Variants in CLCN6 observed in about 807,000 individuals in gnomAD.
CLCN6 encodes Cl-/H+ antiporter 6.
Under a neutral mutation model 109.8 loss-of-function variants are expected in CLCN6, and 70 were observed. The observed-to-expected ratio is 0.64, with a 90% CI of 0.53 to 0.78. The LOEUF (loss-of-function observed/expected upper bound fraction) is 0.78, where lower values mean the gene tolerates loss of function less well. CLCN6 is among the 30% of genes least tolerant of loss of function. The pLI is 0.00. For missense variants in CLCN6, 984 were observed against 1,142.3 expected (o/e 0.86, Z 2.00); for synonymous variants, 444 against 447.8 (o/e 0.99, Z 0.11).
rs200586664 is a variant in CLCN6, at chr1:11,824,494, G to T, written c.589G>T (p.Val197Leu). 6.8e-6 allele frequency: 11 copies of T among 1,613,520 alleles called. No individual in the cohort carries two copies. Among genetic ancestry groups the T allele is most frequent in the Admixed American group, 1.7e-5 (1 of 59,972 alleles). The change falls in exon 8 of 23, where the codon GTG becomes TTG. Residue 197 changes from valine (V) to leucine (L), a missense_variant. Transcript: ENST00000346436. ...VLFSVAGGLF[V>L]EKEGPMIHSG... ...TTTTTCACCCTGCCCAGGGCTCTTC[G>T]TGGAGAAGGAAGGCCCCATGATCCA...
At chr1:11,837,308 G>A (rs1478084760) in intron 19 of CLCN6, 35 bp from the exon 20 acceptor site, 1 of 1,599,110 alleles carries the variant, frequency 6.3e-7, no homozygotes, top group Non-Finnish European at 8.6e-7. Context: ...TCCCGCTGAG[G>A]GTATCCCAGG....
intron 19 of CLCN6, 62 bp from the exon 20 acceptor site, chr1:11,837,281 A>G: frequency 6.3e-7 from 1 of 1,588,976 alleles, no homozygotes; most frequent in South Asian, 1.1e-5. Context: ...CGGGCTGGGA[A>G]CATGGATCAG....
intron 8 of CLCN6, among the ~76,000 whole-genome samples, chr1:11,824,898 G>T (rs1170119394): frequency 6.6e-6 from 1 of 152,152 alleles, no homozygotes; most frequent in African/African-American, 2.4e-5. Context: ...TCGAAGCATC[G>T]ACTGACATGG....
rs1001108743 is a variant in CLCN6 at position 11,807,224 on chromosome 1, G to T, written c.147+34G>T. The T allele has an allele frequency of 3.2e-6, 5 of 1,582,260 alleles. No individual in the cohort carries two copies. The African/African-American group carries it at 6.7e-5, about 21-fold the overall frequency. ...CTTTGATACTGCTTGGGCAACTAAA[G>T]TAGTGAGTGGCCTGGTCACTTCAGG... On this transcript the variant is annotated intron_variant, in intron 2 of 22. Coordinates refer to ENST00000346436, the MANE Select transcript of CLCN6 (RefSeq NM_001286.5).
chr1:11,838,976 G>T (rs1023252), intron 22 of CLCN6: 180,266 of 694,878 alleles, frequency 0.26, 24,531 homozygotes, highest in South Asian at 0.37. Context: ...CCTGCGTAGG[G>T]ATTTGCGCAT....
At chr1:11,827,582 C>T (rs1019942009) in intron 10 of CLCN6, among the ~76,000 whole-genome samples, 7 of 142,316 alleles carry the variant, frequency 4.9e-5, no homozygotes, top group Admixed American at 2.1e-4. Flanking sequence ...ATTATAGGCA[C>T]GTGCCACCGC....
intron 18 of CLCN6, 47 bp downstream of exon 18, chr1:11,836,200 C>A: frequency 6.4e-7 from 1 of 1,557,812 alleles, no homozygotes. Flanking sequence ...GACAAGCGGT[C>A]CCGTCTCACA....
Position 11,827,091 on chromosome 1 carries a change from A to G in CLCN6, c.710A>G (p.Asp237Gly). The change falls in exon 10 of 23, where the codon GAC becomes GGC. Residue 237 changes from aspartate to glycine, a missense_variant and splice_region_variant. Physicochemically the swap from Asp to Gly is moderately conservative, Grantham distance 94 (BLOSUM62 -1). Transcript: ENST00000346436. ...ACCCGTCTCTCTCCTCTCCTCAGAG[A>G]CAAGAGAGACTTTGTATCAGCAGGA... ...FNFPYFRSDR[D>G]KRDFVSAGAA... is the part of the protein sequence containing the mutation. 1 of 1,613,742 alleles carries G rather than the reference A, an allele frequency of 6.2e-7. No individual in the cohort carries two copies. The highest frequency in any genetic ancestry group is 8.5e-7 in the Non-Finnish European group (1 of 1,179,852).
chr1:11,813,048 G>C (rs1268996020), intron 2 of CLCN6, among the ~76,000 whole-genome samples: 1 of 152,164 alleles, frequency 6.6e-6, no homozygotes, highest in East Asian at 1.9e-4. Flanking sequence ...CTGCTTCCCA[G>C]ATCCATTCAT....
At chr1:11,825,223 G>A (rs1288533142) in intron 8 of CLCN6, among the ~76,000 whole-genome samples, 2 of 152,216 alleles carry the variant, frequency 1.3e-5, no homozygotes, top group African/African-American at 4.8e-5. Flanking sequence ...TGAGAAGAGG[G>A]AGTTATTGTG....
At chr1:11,837,196 A>G (rs1380058031) in intron 19 of CLCN6, 40 bp downstream of exon 19, 1 of 1,609,848 alleles carries the variant, frequency 6.2e-7, no homozygotes, top group Non-Finnish European at 8.5e-7. Flanking sequence ...GCAGGGCTAC[A>G]CAGCGGTGGG....
rs1313486643 is a variant in CLCN6, at chr1:11,834,534, C to T, written c.1737C>T (p.His579=). 5.6e-6 allele frequency: 9 copies of T among 1,613,942 alleles called. No homozygotes were observed. Among genetic ancestry groups the T allele is most frequent in the African/African-American group, 1.3e-5 (1 of 74,900 alleles). Reference sequence around the variant, plus strand: ...TCAATAAGGGCATTTATGATATCCACGTGGGCCTGCGAGGCGTGCCGCTTC... The same window carrying T: ...TCAATAAGGGCATTTATGATATCCATGTGGGCCTGCGAGGCGTGCCGCTTC... ...DFFNKGIYDI[H]VGLRGVPLLE... is the part of the protein sequence containing the mutation. Residue 579 remains histidine, a synonymous_variant, in exon 17 of 23, where the codon CAC becomes CAT. Coordinates refer to ENST00000346436, the MANE Select transcript of CLCN6 (RefSeq NM_001286.5). This position sits in a 1 kb window ranked among gnomAD's most constrained non-coding sequence, Gnocchi z 4.5.
chr1:11,835,065 C>T (rs990148043), intron 17 of CLCN6, among the ~76,000 whole-genome samples: 3 of 152,170 alleles, frequency 2.0e-5, no homozygotes, highest in Non-Finnish European at 4.4e-5. Flanking sequence ...AAGGCCCTTA[C>T]GGGCTAACAC....
intron 10 of CLCN6, among the ~76,000 whole-genome samples, chr1:11,827,893 G>A (rs1644833347): frequency 1.3e-5 from 2 of 152,194 alleles, no homozygotes; most frequent in Admixed American, 6.5e-5. Context: ...GGCTCTCATA[G>A]TAGAGTAGGC....
rs1018729215 is a variant in CLCN6, at chr1:11,841,935, G to A, written c.*1712G>A. On this transcript the variant is annotated 3_prime_UTR_variant, in exon 23 of 23. Transcript: ENST00000346436. ...TTATGAAATGGGGATAATACTCCCA[G>A]GAAATAGCGCAGGACATCACAAGGA... 6.6e-6 allele frequency: 1 copy of A among 152,204 alleles called. No homozygotes were observed. Among genetic ancestry groups the A allele is most frequent in the African/African-American group, 2.4e-5 (1 of 41,448 alleles). 9.4% of individuals were successfully genotyped at this position (152,204 alleles called of 1,614,324 possible).
chr1:11,823,856 C>T lies in CLCN6; in HGVS notation c.580+23C>T, dbSNP rs761664853. The T allele has an allele frequency of 2.7e-5, 43 of 1,612,488 alleles. 1 individual carries two copies. In the South Asian group the frequency reaches 4.7e-4, roughly 18 times the overall value. On this transcript the variant is annotated intron_variant, in intron 7 of 22. Transcript: ENST00000346436. ...GAGGTAAGAAGGGTCCAACTTGTAT[C>T]CTTCAAATACTCAAAGGGCAGAGAC...
At chr1:11,808,316 A>G (rs1452161168) in intron 2 of CLCN6, among the ~76,000 whole-genome samples, 1 of 149,576 alleles carries the variant, frequency 6.7e-6, no homozygotes, top group Non-Finnish European at 1.5e-5. Context: ...CTGTTCTCGA[A>G]CTCCTTGACA....
Position 11,816,625 on chromosome 1 carries a change from G to C in CLCN6, c.224G>C (p.Arg75Thr). 9 of 1,613,080 alleles carry C rather than the reference G, an allele frequency of 5.6e-6. No homozygotes were observed. The highest frequency in any genetic ancestry group is 7.6e-6 in the Non-Finnish European group (9 of 1,179,490). The change falls in exon 4 of 23, where the codon AGA (arginine) becomes ACA (threonine). Residue 75 changes from arginine to threonine, a missense_variant. Physicochemically the swap from Arg to Thr is moderately conservative, Grantham distance 71. Transcript: ENST00000346436. The stretch of plus-strand genomic sequence containing the variant: ...TTCCTGTGTGAACAGAAAGGTCGAA[G>C]ATATGAGGCGGTGAAGTGGATGGTG... ...LETMDNKKGR[R>T]YEAVKWMVVF...
At chr1:11,821,078 AAACAACAAC>A (rs368120527) in intron 5 of CLCN6, among the ~76,000 whole-genome samples, 13,688 of 148,380 alleles carry the variant, frequency 0.092, 686 homozygotes, top group South Asian at 0.15. Context: ...CTGTCTCAAA[AAACAACAAC>A]AAAAAAAAAA....
Sources: gnomAD v4.1 joint callset for allele counts (sites outside exome capture counted in the v4.1 genomes callset) on GRCh38, gnomAD v4.1.1 for gene constraint, Gnocchi (gnomAD v3.1) non-coding constraint, MANE v1.5 for transcripts, NCBI Gene and HGNC (gene_info 2026-07-23, HGNC 2026-07-21) for gene names.